Variants in CACUL1 observed in about 807,000 individuals in gnomAD.
CACUL1 encodes CDK2 associated cullin domain 1.
A neutral mutation model predicts 45.2 loss-of-function variants in CACUL1; 13 were observed. The observed-to-expected ratio is 0.29, with a 90% CI of 0.19 to 0.46. The LOEUF (loss-of-function observed/expected upper bound fraction) is 0.46, where lower values mean the gene tolerates loss of function less well. Among genes scored for constraint, CACUL1 ranks in the 20% least tolerant of loss-of-function variants. CACUL1 has a pLI of 1.00. For synonymous variants in CACUL1, 197 were observed against 174.2 expected, an observed-to-expected ratio of 1.13 and a Z score of -1.03; for missense variants, 421 against 471.4, an observed-to-expected ratio of 0.89 and a Z score of 0.99.
At position 118,676,865 on chromosome 10, in the gene CACUL1, CACACACA is replaced by C. The variant is rs1463990730; in HGVS notation, c.*9256_*9262del. The C allele has an allele frequency of 1.9e-3, 285 of 150,422 alleles. 1 individual carries two copies. Among genetic ancestry groups the C allele is most frequent in the African/African-American group, 7.0e-3 (279 of 40,104 alleles). 9.3% of individuals were successfully genotyped at this position (150,422 alleles called of 1,614,324 possible). On this transcript the variant is annotated 3_prime_UTR_variant, in exon 9 of 9. Coordinates refer to ENST00000369151, the MANE Select transcript of CACUL1 (RefSeq NM_153810.5). ...ACACACACACACACACACACACACA[CACACACA>C]CTGGGGTGTGCACACTACGGCATTA...
Position 118,754,429 on chromosome 10 carries a change from TGGAGCTGGC to T in CACUL1, c.325_333del (p.Ala109_Ser111del). 6.3e-7 allele frequency: 1 copy of T among 1,597,262 alleles called. No individual in the cohort carries two copies. Among genetic ancestry groups the T allele is most frequent in the African/African-American group, 1.3e-5 (1 of 74,152 alleles). ...GAGGTGGAGGTGTTGATGTTGATGG[TGGAGCTGGC>T]GGTGGGGGCGGGGGCCGCCTTGGCC... On this transcript the variant is annotated inframe_deletion, in exon 1 of 9. Transcript: ENST00000369151.
chr10:118,699,057 C>T (rs575176954), intron 5 of CACUL1, among the ~76,000 whole-genome samples: 41 of 152,150 alleles, frequency 2.7e-4, no homozygotes, highest in Non-Finnish European at 5.7e-4. Flanking sequence ...ATGACTATAC[C>T]TATCTTATAG....
intron 1 of CACUL1, among the ~76,000 whole-genome samples, chr10:118,732,347 G>A (rs1352208892): frequency 6.6e-6 from 1 of 152,206 alleles, no homozygotes; most frequent in Admixed American, 6.5e-5. Context: ...CTTCAGCACC[G>A]AAGGATGGGG....
intron 3 of CACUL1, among the ~76,000 whole-genome samples, chr10:118,724,852 G>T (rs759172189): frequency 1.8e-4 from 27 of 152,284 alleles, no homozygotes; most frequent in Non-Finnish European, 3.4e-4. Context: ...GCCTCAGAAA[G>T]AAACTAATTT....
chr10:118,728,317 C>CTTTT (rs5788315), intron 3 of CACUL1, among the ~76,000 whole-genome samples: 1 of 140,812 alleles, frequency 7.1e-6, no homozygotes, highest in African/African-American at 2.6e-5. Context: ...AGTGACTTTT[C>CTTTT]TTTTTTTTTT....
At chr10:118,740,795 A>G (rs1027442367) in intron 1 of CACUL1, among the ~76,000 whole-genome samples, 3 of 151,718 alleles carry the variant, frequency 2.0e-5, no homozygotes, top group Non-Finnish European at 2.9e-5. Flanking sequence ...GCGTGGTGGC[A>G]GGCGCCTGTA....
intron 1 of CACUL1, among the ~76,000 whole-genome samples, chr10:118,748,499 T>TTCCTTCATCTCTCACTCAGGAG (rs1845866205): frequency 6.6e-6 from 1 of 152,128 alleles, no homozygotes; most frequent in Non-Finnish European, 1.5e-5. Context: ...GAAAAATAAA[T>TTCCTTCATCTCTCACTCAGGAG]TCCTTCATCT....
At chr10:118,729,569 G>C (rs561789848) in intron 2 of CACUL1, among the ~76,000 whole-genome samples, 172 bp from the exon 3 acceptor site, 2 of 152,136 alleles carry the variant, frequency 1.3e-5, no homozygotes, top group Admixed American at 6.5e-5. Context: ...ATCGGTGTTC[G>C]GATGGAAAAG....
intron 3 of CACUL1, among the ~76,000 whole-genome samples, chr10:118,712,475 G>C (rs1476337567): frequency 6.6e-6 from 1 of 152,250 alleles, no homozygotes; most frequent in East Asian, 1.9e-4. Flanking sequence ...AGCCCTGTTT[G>C]TGTTACAACT....
intron 3 of CACUL1, among the ~76,000 whole-genome samples, chr10:118,722,882 G>T (rs1845614414): frequency 6.6e-6 from 1 of 152,134 alleles, no homozygotes; most frequent in Non-Finnish European, 1.5e-5. Context: ...AGAAGTTACT[G>T]CCCCTTTCCA....
rs1015894457 is a variant in CACUL1 at position 118,680,790 on chromosome 10, G to A, written c.*5338C>T. On this transcript the variant is annotated 3_prime_UTR_variant, in exon 9 of 9. Coordinates refer to ENST00000369151, the MANE Select transcript of CACUL1 (RefSeq NM_153810.5). ...CTGTTTTTTAGCACTGGTTGCAGAA[G>A]TCAAGATCAACACTCACCCTGCAGG... 4.6e-5 allele frequency: 7 copies of A among 152,132 alleles called. No individual in the cohort carries two copies. The highest frequency in any genetic ancestry group is 1.7e-4 in the African/African-American group (7 of 41,414). 9.4% of individuals were successfully genotyped at this position (152,132 alleles called of 1,614,324 possible).
At chr10:118,692,420 G>C (rs11198562) in intron 6 of CACUL1, 1 of 152,134 alleles carries the variant, frequency 6.6e-6, no homozygotes, top group African/African-American at 2.4e-5. Flanking sequence ...AGTAAGACCA[G>C]ATAAATGAGT....
Position 118,678,145 on chromosome 10 carries a change from G to C in CACUL1, c.*7983C>G, listed in dbSNP as rs1294303062. 6.6e-6 allele frequency: 1 copy of C among 152,130 alleles called. No homozygotes were observed. Among genetic ancestry groups the C allele is most frequent in the African/African-American group, 2.4e-5 (1 of 41,426 alleles). 9.4% of individuals were successfully genotyped at this position (152,130 alleles called of 1,614,324 possible). A position where few individuals can be genotyped will look rare whatever the true frequency, so the allele number is the denominator to read the frequency against. On this transcript the variant is annotated 3_prime_UTR_variant, in exon 9 of 9. Transcript: ENST00000369151. ...TCTGTGAAATGCCTGCTAGTGTTTG[G>C]GGTCCGTCTCTCCTGAGTTGTTTTC...
intron 4 of CACUL1, among the ~76,000 whole-genome samples, chr10:118,704,574 CTGAT>C (rs1845415911): frequency 6.6e-6 from 1 of 152,234 alleles, no homozygotes. Context: ...ACACTTCCCT[CTGAT>C]TGACCCCCAC....
chr10:118,752,199 C>G (rs982362188), intron 1 of CACUL1, among the ~76,000 whole-genome samples: 1 of 152,070 alleles, frequency 6.6e-6, no homozygotes, highest in African/African-American at 2.4e-5. Flanking sequence ...TCCTACAATG[C>G]TAAACAGTAG....
chr10:118,753,765 T>A (rs1420973537), intron 1 of CACUL1, among the ~76,000 whole-genome samples: 1 of 152,244 alleles, frequency 6.6e-6, no homozygotes, highest in Non-Finnish European at 1.5e-5. Flanking sequence ...GTGTAAGCTC[T>A]GAAAAGTGAT....
At chr10:118,694,859 A>G (rs748929809) in intron 6 of CACUL1, 3 of 277,824 alleles carry the variant, frequency 1.1e-5, no homozygotes, top group Non-Finnish European at 2.1e-5. Flanking sequence ...AGAAACTAAG[A>G]CCAAACATGA....
intron 1 of CACUL1, among the ~76,000 whole-genome samples, chr10:118,740,138 C>T (rs1483480619): frequency 6.6e-6 from 1 of 151,940 alleles, no homozygotes; most frequent in Non-Finnish European, 1.5e-5. Context: ...CAGAGCGGGA[C>T]TCTGTCTCAG....
At position 118,702,644 on chromosome 10, in the gene CACUL1, C is replaced by T. The variant is rs185666399; in HGVS notation, c.694-1236G>A. Reference sequence around the variant, plus strand: ...TTGCCCAGGCTGGAGTGCAATGGCACGCTCTCCACTCACTGCAACCTCTGC... The same window carrying T: ...TTGCCCAGGCTGGAGTGCAATGGCATGCTCTCCACTCACTGCAACCTCTGC... On this transcript the variant is annotated intron_variant, in intron 4 of 8. Coordinates refer to ENST00000369151, the MANE Select transcript of CACUL1 (RefSeq NM_153810.5). Among the ~76,000 whole-genome samples, 609 of 150,640 alleles carry T rather than the reference C, an allele frequency of 4.0e-3. 7 individuals are homozygous for T. Among genetic ancestry groups the T allele is most frequent in the African/African-American group, 0.014 (588 of 41,012 alleles).
Sources: allele counts gnomAD v4.1 joint callset (sites outside exome capture counted in the v4.1 genomes callset), GRCh38; gene constraint gnomAD v4.1.1; transcripts MANE v1.5; gene names NCBI Gene and HGNC (gene_info 2026-07-23, HGNC 2026-07-21).